ATP8A1: variants seen among roughly 807,000 people sequenced by gnomAD.
ATP8A1 encodes ATPase phospholipid transporting 8A1.
A neutral mutation model predicts 177.7 loss-of-function variants in ATP8A1; 90 were observed. That is an observed-to-expected ratio of 0.51 (90% CI 0.43 to 0.60). The LOEUF is 0.60. Among genes scored for constraint, ATP8A1 ranks in the 20% least tolerant of loss-of-function variants. The pLI is 0.00. For missense variants in ATP8A1, 1,072 were observed against 1,392.8 expected, an observed-to-expected ratio of 0.77 and a Z score of 3.67; for synonymous variants, 493 against 485.9, an observed-to-expected ratio of 1.01 and a Z score of -0.19.
intron 23 of ATP8A1, among the ~76,000 whole-genome samples, chr4:42,505,044 A>G (rs1370815055): frequency 6.6e-6 from 1 of 152,196 alleles, no homozygotes; most frequent in Non-Finnish European, 1.5e-5. Flanking sequence ...CCTCTGTGCA[A>G]TGCCCTGTGT....
At chr4:42,461,288 G>A (rs1719119811) in intron 27 of ATP8A1, among the ~76,000 whole-genome samples, 2 of 100,472 alleles carry the variant, frequency 2.0e-5, no homozygotes, top group Non-Finnish European at 4.1e-5. Flanking sequence ...GGCTTGCATT[G>A]TATTTCTGTT....
chr4:42,585,300 T>C (rs550582071), intron 9 of ATP8A1, among the ~76,000 whole-genome samples: 1 of 152,122 alleles, frequency 6.6e-6, no homozygotes, highest in Admixed American at 6.6e-5. Flanking sequence ...TAACATAGTA[T>C]AAACTTCTTA....
chr4:42,471,670 T>C, intron 25 of ATP8A1: 1 of 249,272 alleles, frequency 4.0e-6, no homozygotes, highest in Admixed American at 4.7e-5. Flanking sequence ...GAAAGCTTAG[T>C]TTATCTACAA....
rs1474536606 is a variant in ATP8A1 at position 42,625,680 on chromosome 4, T to C, written c.198A>G (p.Pro66=). Residue 66 remains proline, a synonymous_variant, in exon 3 of 37, where the codon CCA becomes CCG. Coordinates refer to ENST00000381668, the MANE Select transcript of ATP8A1 (RefSeq NM_006095.2). ...TAKYNIITFL[P]RFLYSQFRRA... ...TTCTGAACTGAGAGTAGAGAAATCT[T>C]GGAAGGAATGTGATTATGTTGTATT... 3.1e-6 allele frequency: 5 copies of C among 1,607,762 alleles called. No individual in the cohort carries two copies. Among genetic ancestry groups the C allele is most frequent in the Non-Finnish European group, 4.2e-6 (5 of 1,176,932 alleles).
intron 6 of ATP8A1, among the ~76,000 whole-genome samples, chr4:42,598,410 C>T (rs1053964541): frequency 6.6e-6 from 1 of 152,052 alleles, no homozygotes; most frequent in Non-Finnish European, 1.5e-5. Context: ...TCTATTTTTG[C>T]AAACCACAGT....
intron 1 of ATP8A1, among the ~76,000 whole-genome samples, chr4:42,654,694 T>G (rs749075858): frequency 5.3e-5 from 8 of 152,208 alleles, no homozygotes; most frequent in Non-Finnish European, 7.3e-5. Flanking sequence ...TCAAGAGAGA[T>G]ATGATTAACA....
chr4:42,550,704 G>C (rs1411028303), intron 18 of ATP8A1, among the ~76,000 whole-genome samples: 1 of 152,148 alleles, frequency 6.6e-6, no homozygotes, highest in Non-Finnish European at 1.5e-5. Context: ...GGCTGAGGTG[G>C]GAGAATCACT....
chr4:42,506,244 G>C (rs1033639844), intron 23 of ATP8A1, among the ~76,000 whole-genome samples: 6 of 152,188 alleles, frequency 3.9e-5, no homozygotes, highest in Non-Finnish European at 7.3e-5. Context: ...ATTAGGTCAT[G>C]AGAGCAGAGA....
intron 25 of ATP8A1, chr4:42,471,759 T>C: frequency 2.5e-6 from 1 of 405,032 alleles, no homozygotes; most frequent in South Asian, 2.1e-5. Flanking sequence ...AAGGCAGAAT[T>C]AAAAATGGTA....
chr4:42,566,919 G>T (rs1201007482), intron 15 of ATP8A1, among the ~76,000 whole-genome samples: 1 of 152,214 alleles, frequency 6.6e-6, no homozygotes, highest in Non-Finnish European at 1.5e-5. Flanking sequence ...CTAACACTCA[G>T]TGTGGGCTGA....
At chr4:42,554,413 T>A (rs1260830776) in intron 16 of ATP8A1, among the ~76,000 whole-genome samples, 2 of 152,162 alleles carry the variant, frequency 1.3e-5, no homozygotes, top group African/African-American at 2.4e-5. Flanking sequence ...ATGGTATGAT[T>A]TACTGAAAGC....
At chr4:42,462,523 G>A (rs569374786) in intron 27 of ATP8A1, among the ~76,000 whole-genome samples, 180 of 152,364 alleles carry the variant, frequency 1.2e-3, no homozygotes, top group African/African-American at 4.2e-3. Flanking sequence ...TGGGGTTTGG[G>A]AACCTCTGCC....
chr4:42,611,650 T>C (rs988490554), intron 5 of ATP8A1, among the ~76,000 whole-genome samples: 2 of 152,322 alleles, frequency 1.3e-5, no homozygotes, highest in Admixed American at 6.5e-5. Context: ...TTAGATGAAG[T>C]TGTCATTCCA....
In ATP8A1 at chr4:42,574,650, T is replaced by G; in HGVS notation, c.1264A>C (p.Lys422Gln). The change falls in exon 14 of 37, where the codon AAG becomes CAG. Residue 422 changes from lysine (K) to glutamine (Q), a missense_variant. This residue lies in a region of ATP8A1 where 388 missense variants were observed against 471.7 expected (regional missense o/e 0.82). Transcript: ENST00000381668. ...GTLTCNVMQF[K>Q]KCTIAGVAYG... is the part of the protein sequence containing the mutation. ...GCAACTCCCGCTATGGTGCACTTCT[T>G]AAACTGCATTACATTGCATGTCAGA... is the stretch of plus-strand genomic sequence containing the variant. 6.2e-7 allele frequency: 1 copy of G among 1,609,942 alleles called. No individual in the cohort carries two copies. The highest frequency in any genetic ancestry group is 1.1e-5 in the South Asian group (1 of 89,506).
intron 1 of ATP8A1, among the ~76,000 whole-genome samples, chr4:42,631,485 G>A (rs1409995001): frequency 6.6e-6 from 1 of 152,168 alleles, no homozygotes; most frequent in African/African-American, 2.4e-5. Flanking sequence ...GTGGTTAGGT[G>A]AACTGAGACT....
At chr4:42,649,181 T>G (rs1278037892) in intron 1 of ATP8A1, among the ~76,000 whole-genome samples, 1 of 152,120 alleles carries the variant, frequency 6.6e-6, no homozygotes, top group African/African-American at 2.4e-5. Context: ...TGTACTAACA[T>G]AAAAATGCTA....
intron 1 of ATP8A1, among the ~76,000 whole-genome samples, chr4:42,628,863 T>C (rs1385860504): frequency 6.6e-6 from 1 of 152,222 alleles, no homozygotes; most frequent in Non-Finnish European, 1.5e-5. Context: ...GCTGATGTTC[T>C]CAGGTTGTGT....
chr4:42,467,266 G>C (rs1449328839), intron 25 of ATP8A1, among the ~76,000 whole-genome samples: 3 of 152,098 alleles, frequency 2.0e-5, no homozygotes, highest in African/African-American at 7.2e-5. Flanking sequence ...GGTTAAATGA[G>C]GTGTTAAAGA....
intron 4 of ATP8A1, among the ~76,000 whole-genome samples, chr4:42,621,374 T>C (rs1737448204): frequency 6.6e-6 from 1 of 152,258 alleles, no homozygotes; most frequent in Non-Finnish European, 1.5e-5. Flanking sequence ...TTAATGTTTG[T>C]ATAACTTTAA....
Sources: allele counts gnomAD v4.1 joint callset (sites outside exome capture counted in the v4.1 genomes callset), GRCh38; gene constraint gnomAD v4.1.1; regional missense constraint gnomAD v4.1.1; transcripts MANE v1.5; gene names NCBI Gene and HGNC (gene_info 2026-07-23, HGNC 2026-07-21).